The following TREML1 variants were observed in gnomAD, a reference collection of about 807,000 sequenced individuals.
TREML1 encodes the protein triggering receptor expressed on myeloid cells like 1.
In TREML1, 27 loss-of-function variants were observed where a neutral mutation model predicts 22.8. That is an observed-to-expected ratio of 1.19 (90% CI 0.87 to 1.64). The LOEUF (loss-of-function observed/expected upper bound fraction) is 1.64, where lower values mean the gene tolerates loss of function less well. TREML1 is among the 40% of genes most tolerant of loss of function. The pLI is 0.00. For missense variants in TREML1, 356 were observed against 382.0 expected, an observed-to-expected ratio of 0.93 and a Z score of 0.57; for synonymous variants, 153 against 161.9, an observed-to-expected ratio of 0.94 and a Z score of 0.42.
Position 41,149,621 on chromosome 6 carries a change from G to T in TREML1, c.919C>A (p.Gln307Lys), listed in dbSNP as rs1421547961. 2.5e-6 allele frequency: 4 copies of T among 1,612,260 alleles called. No individual in the cohort carries two copies. Among genetic ancestry groups the T allele is most frequent in the Non-Finnish European group, 3.4e-6 (4 of 1,178,740 alleles). ...TGAGCAGCTTAGCTGGATGGAGTCT[G>T]ATTGTTAGGTGGATTCTGGGCTGGC... ...CGPAQNPPNN[Q>K]TPSS is the part of the protein sequence containing the mutation. Residue 307 changes from glutamine to lysine, a missense_variant, in exon 6 of 6, where the codon CAG becomes AAG. Transcript: ENST00000426005.
chr6:41,149,799 G>T lies in TREML1; in HGVS notation c.741C>A (p.Ser247Arg), dbSNP rs995968050. ...TTCCTGATGGGGAATCAAGAGGTAG[G>T]CTGGTGTAGGTGGTATTGTCAAATG... ...PPSFDNTTYTSLPLDSPSGKP... is the reference protein window; with the variant it reads ...PPSFDNTTYTRLPLDSPSGKP... The change falls in exon 6 of 6, where the codon AGC becomes AGA. Residue 247 changes from serine to arginine, a missense_variant. Ser to Arg is a moderately radical substitution (Grantham distance 110). Transcript: ENST00000426005. The T allele has an allele frequency of 6.2e-7, 1 of 1,614,178 alleles. No individual in the cohort carries two copies. The highest frequency in any genetic ancestry group is 8.5e-7 in the Non-Finnish European group (1 of 1,180,040).
intron 2 of TREML1, chr6:41,151,684 C>T (rs1222424456): frequency 2.5e-6 from 1 of 404,418 alleles, no homozygotes. Flanking sequence ...ACCTGCTCTA[C>T]CCCTCACCCC....
chr6:41,149,765 G>T lies in TREML1; in HGVS notation c.775C>A (p.Leu259Ile). 1 of 1,614,230 alleles carries T rather than the reference G, an allele frequency of 6.2e-7. No homozygotes were observed. Among genetic ancestry groups the T allele is most frequent in the Non-Finnish European group, 8.5e-7 (1 of 1,180,046 alleles). Residue 259 changes from leucine to isoleucine, a missense_variant, in exon 6 of 6, where the codon CTC (leucine) becomes ATC (isoleucine). Physicochemically the swap from Leu to Ile is conservative, Grantham distance 5 (BLOSUM62 2). Coordinates refer to ENST00000426005, the MANE Select transcript of TREML1 (RefSeq NM_178174.4). Reference sequence around the variant, plus strand: ...GGGGGCAATGAGGATGGAGCTGGGAGTGAAGGTTTTCCTGATGGGGAATCA... The same window carrying T: ...GGGGGCAATGAGGATGGAGCTGGGATTGAAGGTTTTCCTGATGGGGAATCA... ...PLDSPSGKPSLPAPSSLPPLP... is the reference protein window; with the variant it reads ...PLDSPSGKPSIPAPSSLPPLP...
At chr6:41,151,251 C>G in intron 3 of TREML1, 31 bp downstream of exon 3, 1 of 1,591,662 alleles carries the variant, frequency 6.3e-7, no homozygotes, top group Non-Finnish European at 8.6e-7. Context: ...CCACCCTTCT[C>G]CTGGCCTCCC....
At chr6:41,151,433 C>A in intron 2 of TREML1, 49 bp from the exon 3 acceptor site, 1 of 1,533,968 alleles carries the variant, frequency 6.5e-7, no homozygotes, top group South Asian at 1.1e-5. Flanking sequence ...TGAGTGCATG[C>A]CCATATGGGC....
In TREML1 at chr6:41,151,303, T is replaced by C. The variant is rs1252228240; in HGVS notation, c.458A>G (p.Glu153Gly). The stretch of plus-strand genomic sequence containing the variant: ...GTACCTCTTCTCATCCTGGCTGGGT[T>C]CCAAAGGGTTGGCACTGCCTGCAGG... The part of the protein sequence containing the change: ...SDPAGSANPL[E>G]PSQDEKSIPL... Residue 153 changes from glutamate to glycine, a missense_variant, in exon 3 of 6, where the codon GAA (glutamate) becomes GGA (glycine). Coordinates refer to ENST00000426005, the MANE Select transcript of TREML1 (RefSeq NM_178174.4). 2 of 1,614,206 alleles carry C rather than the reference T, an allele frequency of 1.2e-6. No homozygotes were observed. Among genetic ancestry groups the C allele is most frequent in the South Asian group, 2.2e-5 (2 of 91,082 alleles).
At chr6:41,151,992 C>T (rs1350961065) in intron 2 of TREML1, among the ~76,000 whole-genome samples, 1 of 152,210 alleles carries the variant, frequency 6.6e-6, no homozygotes, top group African/African-American at 2.4e-5. Flanking sequence ...GAGGACAAGG[C>T]TTCTGTCACC....
intron 3 of TREML1, 38 bp downstream of exon 3, chr6:41,151,244 C>T (rs1765236834): frequency 2.6e-6 from 4 of 1,563,354 alleles, no homozygotes; most frequent in African/African-American, 1.4e-5. Context: ...TCCACCACCA[C>T]CCTTCTCCTG....
At chr6:41,152,750 G>C (rs1303697659) in intron 2 of TREML1, among the ~76,000 whole-genome samples, 1 of 152,102 alleles carries the variant, frequency 6.6e-6, no homozygotes, top group African/African-American at 2.4e-5. Context: ...GTGGGCACCT[G>C]TAGTCCCAGT....
Position 41,149,549 on chromosome 6 carries a change from G to A in TREML1, c.*55C>T, listed in dbSNP as rs1275891106. 1.9e-6 allele frequency: 3 copies of A among 1,540,202 alleles called. No individual in the cohort carries two copies. Among genetic ancestry groups the A allele is most frequent in the Non-Finnish European group, 2.6e-6 (3 of 1,135,220 alleles). ...ATCCTAGGGCATGAGCTGGCTGGAT[G>A]GATGCACAGAACCCCTAGGGATGGT... On this transcript the variant is annotated 3_prime_UTR_variant, in exon 6 of 6. Transcript: ENST00000426005.
chr6:41,149,554 C>G lies in TREML1; in HGVS notation c.*50G>C, dbSNP rs750455312. The G allele has an allele frequency of 6.4e-7, 1 of 1,551,638 alleles. No homozygotes were observed. The highest frequency in any genetic ancestry group is 8.7e-7 in the Non-Finnish European group (1 of 1,143,704). On this transcript the variant is annotated 3_prime_UTR_variant, in exon 6 of 6. Transcript: ENST00000426005. ...AGGGCATGAGCTGGCTGGATGGATG[C>G]ACAGAACCCCTAGGGATGGTCCTCA... is the stretch of plus-strand genomic sequence containing the variant.
In TREML1 at chr6:41,153,606, G is replaced by A. The variant is rs576936016; in HGVS notation, c.376+152C>T. ...TATCTCAGACTTCCCACCCAGTTTGGTTTCCGCTCCCTGCAGAGCTGTCAA... is the reference window on the plus strand; with the variant it reads ...TATCTCAGACTTCCCACCCAGTTTGATTTCCGCTCCCTGCAGAGCTGTCAA... On this transcript the variant is annotated intron_variant, in intron 2 of 5. Coordinates refer to ENST00000426005, the MANE Select transcript of TREML1 (RefSeq NM_178174.4). The A allele has an allele frequency of 1.7e-4, 123 of 728,446 alleles. No homozygotes were observed. The African/African-American group carries it at 2.1e-3, about 12-fold the overall frequency. 45.1% of individuals were successfully genotyped at this position (728,446 alleles called of 1,614,324 possible).
rs756494353 is a variant in TREML1 at position 41,150,258 on chromosome 6, T to TA, written c.621+2dup. 2 of 1,613,938 alleles carry TA rather than the reference T, an allele frequency of 1.2e-6. No homozygotes were observed. Among genetic ancestry groups the TA allele is most frequent in the Admixed American group, 3.3e-5 (2 of 59,992 alleles). On this transcript the variant is annotated splice_region_variant and intron_variant, in intron 5 of 5. Coordinates refer to ENST00000426005, the MANE Select transcript of TREML1 (RefSeq NM_178174.4). Reference sequence around the variant, plus strand: ...TGGCTGTGGGCCTGCAGAGGCCTCTTACCATGCCTGAAACTCTGCTGCTCA... The same window carrying TA: ...TGGCTGTGGGCCTGCAGAGGCCTCTTAACCATGCCTGAAACTCTGCTGCTCA...
chr6:41,151,052 G>T, intron 3 of TREML1, 145 bp from the exon 4 acceptor site: 1 of 742,714 alleles, frequency 1.3e-6, no homozygotes. Context: ...ACTGAGGTAG[G>T]GCAGAAGAGG....
chr6:41,153,688 T>A, intron 2 of TREML1, 70 bp downstream of exon 2: 4 of 1,470,230 alleles, frequency 2.7e-6, no homozygotes, highest in Non-Finnish European at 3.7e-6. Flanking sequence ...CAAGAACCCA[T>A]GAGCCCTGGC....
intron 5 of TREML1, 26 bp from the exon 6 acceptor site, chr6:41,149,944 A>C (rs371486620): frequency 2.7e-5 from 43 of 1,600,620 alleles, no homozygotes; most frequent in Non-Finnish European, 3.5e-5. Flanking sequence ...GCAAGTCAGG[A>C]ATGCCTCCCT....
chr6:41,151,700 CCTTATCAAG>C (rs1349569177), intron 2 of TREML1: 1 of 355,016 alleles, frequency 2.8e-6, no homozygotes, highest in African/African-American at 2.1e-5. Flanking sequence ...ACCCCTCTGG[CCTTATCAAG>C]CTGTTAAGTC....
In TREML1 at chr6:41,149,785, G is replaced by A; in HGVS notation, c.755C>T (p.Ser252Phe). ...NTTYTSLPLD[S>F]PSGKPSLPAP... ...TGGGAGTGAAGGTTTTCCTGATGGG[G>A]AATCAAGAGGTAGGCTGGTGTAGGT... is the stretch of plus-strand genomic sequence containing the variant. The change falls in exon 6 of 6, where the codon TCC becomes TTC. Residue 252 changes from serine to phenylalanine, a missense_variant. Ser to Phe is a radical substitution (Grantham distance 155, BLOSUM62 -2). Transcript: ENST00000426005. 1 of 1,614,196 alleles carries A rather than the reference G, an allele frequency of 6.2e-7. No homozygotes were observed.
chr6:41,150,377 T>G (rs1388074905), intron 4 of TREML1, 64 bp from the exon 5 acceptor site: 1 of 1,528,110 alleles, frequency 6.5e-7, no homozygotes, highest in Non-Finnish European at 9.0e-7. Context: ...CTTCCCTCAC[T>G]CCCTTCCTTC....
Sources: gnomAD v4.1 joint callset for allele counts (sites outside exome capture counted in the v4.1 genomes callset) on GRCh38, gnomAD v4.1.1 for gene constraint, MANE v1.5 for transcripts, NCBI Gene and HGNC (gene_info 2026-07-23, HGNC 2026-07-21) for gene names.